Variants in DPP4 observed in about 807,000 individuals in gnomAD.
The protein encoded by DPP4 is dipeptidyl peptidase 4, also known as ADCP-2.
Under a neutral mutation model 122.4 loss-of-function variants are expected in DPP4, and 93 were observed. The ratio of observed to expected loss-of-function variants is 0.76; its 90% CI spans 0.64 to 0.90. The LOEUF is 0.90. DPP4 is among the 40% of genes least tolerant of loss of function. DPP4 has a pLI of 0.00. For synonymous variants in DPP4, 321 were observed against 302.9 expected (o/e 1.06, Z -0.62); for missense variants, 914 against 907.3 (o/e 1.01, Z -0.09).
intron 16 of DPP4, among the ~76,000 whole-genome samples, chr2:162,017,777 T>C (rs192386857): frequency 3.9e-5 from 6 of 152,370 alleles, no homozygotes; most frequent in Non-Finnish European, 8.8e-5. Context: ...TTGTGAGCTC[T>C]TTAATTTTAT....
chr2:162,063,733 G>A (rs919778828), intron 2 of DPP4, among the ~76,000 whole-genome samples: 1 of 151,998 alleles, frequency 6.6e-6, no homozygotes, highest in African/African-American at 2.4e-5. Flanking sequence ...AAAAAAGGGA[G>A]AGGGGTAACA....
chr2:162,058,490 C>T (rs897347575), intron 2 of DPP4, among the ~76,000 whole-genome samples: 6 of 152,216 alleles, frequency 3.9e-5, no homozygotes, highest in Non-Finnish European at 7.3e-5. Context: ...CTTGGTAATG[C>T]TAACCCCATT....
intron 12 of DPP4, 39 bp downstream of exon 12, chr2:162,022,716 C>A: frequency 6.2e-7 from 1 of 1,602,822 alleles, no homozygotes; most frequent in Non-Finnish European, 8.5e-7. Context: ...AGCTGAGTAG[C>A]TGACTCATCC....
chr2:162,059,250 T>G (rs1336140135), intron 2 of DPP4, among the ~76,000 whole-genome samples: 1 of 152,150 alleles, frequency 6.6e-6, no homozygotes. Context: ...AAATGAATTT[T>G]TTTTTTTCTG....
intron 5 of DPP4, among the ~76,000 whole-genome samples, chr2:162,041,028 T>G (rs1683965651): frequency 6.6e-6 from 1 of 151,910 alleles, no homozygotes; most frequent in Non-Finnish European, 1.5e-5. Flanking sequence ...GATTTTATTT[T>G]TATAGACCAA....
At chr2:162,004,582 C>T (rs1018375701) in intron 23 of DPP4, among the ~76,000 whole-genome samples, 5 of 118,202 alleles carry the variant, frequency 4.2e-5, no homozygotes, top group African/African-American at 9.9e-5. Flanking sequence ...ATCACAGCTC[C>T]CTGCACACAC....
intron 23 of DPP4, among the ~76,000 whole-genome samples, chr2:162,001,436 C>A (rs1480990449): frequency 2.0e-5 from 3 of 152,168 alleles, no homozygotes; most frequent in African/African-American, 7.2e-5. Flanking sequence ...AATTTGAAAA[C>A]CACAAGTCTT....
chr2:162,073,847 A>T (rs1313926672), intron 1 of DPP4, 129 bp downstream of exon 1: 1 of 1,263,992 alleles, frequency 7.9e-7, no homozygotes, highest in African/African-American at 1.5e-5. Context: ...CACCTGTCAG[A>T]GGGTGGCCTT....
intron 8 of DPP4, among the ~76,000 whole-genome samples, chr2:162,035,629 A>G (rs1683740689): frequency 6.6e-6 from 1 of 152,168 alleles, no homozygotes; most frequent in Non-Finnish European, 1.5e-5. Flanking sequence ...ATGCCTCAAA[A>G]CATACTAAAA....
At position 162,074,021 on chromosome 2, in the gene DPP4, C is replaced by A; in HGVS notation, c.-40G>T. ...CGGAAGTGAGCGTTCAGAGAAGGAGCGCAGGCAGAAGTCACCGCGGGCGGC... is the reference window on the plus strand; with the variant it reads ...CGGAAGTGAGCGTTCAGAGAAGGAGAGCAGGCAGAAGTCACCGCGGGCGGC... On this transcript the variant is annotated 5_prime_UTR_variant, in exon 1 of 26. Coordinates refer to ENST00000360534, the MANE Select transcript of DPP4 (RefSeq NM_001935.4). 1 of 1,606,158 alleles carries A rather than the reference C, an allele frequency of 6.2e-7. No individual in the cohort carries two copies. The highest frequency in any genetic ancestry group is 8.5e-7 in the Non-Finnish European group (1 of 1,176,772).
intron 23 of DPP4, among the ~76,000 whole-genome samples, chr2:161,996,197 A>G (rs1318734232): frequency 6.6e-6 from 1 of 152,234 alleles, no homozygotes; most frequent in African/African-American, 2.4e-5. Flanking sequence ...AAAGCTGGTC[A>G]TCTAATCTGA....
chr2:162,067,327 G>T (rs1412644410), intron 2 of DPP4, among the ~76,000 whole-genome samples: 2 of 152,108 alleles, frequency 1.3e-5, no homozygotes, highest in African/African-American at 4.8e-5. Flanking sequence ...CAGTTTTGGG[G>T]TCCCCAGTTT....
intron 5 of DPP4, among the ~76,000 whole-genome samples, chr2:162,042,028 G>T (rs1684005974): frequency 6.6e-6 from 1 of 152,134 alleles, no homozygotes; most frequent in Admixed American, 6.5e-5. Flanking sequence ...TTTGGCTGAG[G>T]TTAGTGACAG....
chr2:162,003,088 A>G (rs1701192229), intron 23 of DPP4, among the ~76,000 whole-genome samples: 2 of 152,250 alleles, frequency 1.3e-5, no homozygotes, highest in African/African-American at 4.8e-5. Context: ...ATTGCCAGCA[A>G]TGAATTTTGT....
intron 2 of DPP4, among the ~76,000 whole-genome samples, chr2:162,063,208 T>C (rs1684841388): frequency 6.6e-6 from 1 of 152,016 alleles, no homozygotes; most frequent in Non-Finnish European, 1.5e-5. Context: ...AAAATAGAAT[T>C]GCCATTTGCT....
At chr2:162,021,804 A>G (rs1013840017) in intron 12 of DPP4, among the ~76,000 whole-genome samples, 5 of 152,132 alleles carry the variant, frequency 3.3e-5, no homozygotes, top group African/African-American at 7.2e-5. Context: ...TTTTTTTCAA[A>G]GAGTCGTGAG....
Position 162,054,870 on chromosome 2 carries a change from G to A in DPP4, c.95-7369C>T, listed in dbSNP as rs111588381. Among the ~76,000 whole-genome samples the A allele has an allele frequency of 5.0e-3, 767 of 152,210 alleles. 3 individuals are homozygous for A. Among genetic ancestry groups the A allele is most frequent in the Non-Finnish European group, 8.5e-3 (579 of 67,998 alleles). On this transcript the variant is annotated intron_variant, in intron 2 of 25. Transcript: ENST00000360534. ...TATAACATGAGACTAATAGCCCATG[G>A]GGATTTTCAATGATTAAACAAGATA... is the stretch of plus-strand genomic sequence containing the variant.
At chr2:162,056,667 C>T (rs1265275368) in intron 2 of DPP4, among the ~76,000 whole-genome samples, 1 of 152,064 alleles carries the variant, frequency 6.6e-6, no homozygotes, top group African/African-American at 2.4e-5. Flanking sequence ...GGTAATAGTC[C>T]CTCCCAAAAC....
At chr2:162,060,177 T>C (rs748916450) in intron 2 of DPP4, among the ~76,000 whole-genome samples, 18 of 152,214 alleles carry the variant, frequency 1.2e-4, no homozygotes, top group Non-Finnish European at 2.2e-4. Flanking sequence ...CATTTTTTTG[T>C]GAATTGGTGG....
Sources: gnomAD v4.1 joint callset for allele counts (sites outside exome capture counted in the v4.1 genomes callset) on GRCh38, gnomAD v4.1.1 for gene constraint, MANE v1.5 for transcripts, NCBI Gene and HGNC (gene_info 2026-07-23, HGNC 2026-07-21) for gene names.